Variants in CCNY observed in about 807,000 individuals in gnomAD.
CCNY encodes the protein cyclin Y, also known as cyclin-Y.
In CCNY, 19 loss-of-function variants were observed where a neutral mutation model predicts 42.8. The ratio of observed to expected loss-of-function variants is 0.44; its 90% confidence interval spans 0.31 to 0.65. CCNY has a LOEUF of 0.65. Ranked by LOEUF, CCNY falls within the 30% of genes least tolerant of loss-of-function variation. The probability of loss-of-function intolerance (pLI) is 0.07; values close to 1 mark genes in which losing one functional copy is unlikely to be tolerated. For missense variants in CCNY, 370 were observed against 437.3 expected (o/e 0.85, Z 1.37); for synonymous variants, 165 against 162.7 (o/e 1.01, Z -0.11).
chr10:35,324,922 C>G (rs532729135), intron 3 of CCNY, among the ~76,000 whole-genome samples: 5 of 152,130 alleles, frequency 3.3e-5, no homozygotes, highest in African/African-American at 4.8e-5. Context: ...ATATAGGCAG[C>G]CTTCTGAAGG....
At chr10:35,302,843 C>T (rs913995828) in intron 3 of CCNY, among the ~76,000 whole-genome samples, 1 of 152,094 alleles carries the variant, frequency 6.6e-6, no homozygotes, top group African/African-American at 2.4e-5. Flanking sequence ...AGCCTAAAAG[C>T]TTCTTGTTAG....
chr10:35,367,872 A>G (rs759287243), intron 1 of CCNY, among the ~76,000 whole-genome samples: 1 of 152,232 alleles, frequency 6.6e-6, no homozygotes, highest in African/African-American at 2.4e-5. Flanking sequence ...AATTTTGCCT[A>G]TACTCCTAAT....
At chr10:35,297,496 C>T (rs1356037883) in intron 3 of CCNY, among the ~76,000 whole-genome samples, 2 of 152,054 alleles carry the variant, frequency 1.3e-5, no homozygotes, top group Non-Finnish European at 2.9e-5. Flanking sequence ...CTGGCCAGAG[C>T]AATGAGGCAG....
intron 3 of CCNY, among the ~76,000 whole-genome samples, chr10:35,303,421 C>A (rs1835561525): frequency 6.7e-6 from 1 of 149,598 alleles, no homozygotes; most frequent in Non-Finnish European, 1.5e-5. Context: ...CTCAGGTGAT[C>A]CTCCCGCCTC....
At chr10:35,515,911 T>C (rs1337592102) in intron 3 of CCNY, among the ~76,000 whole-genome samples, 1 of 152,236 alleles carries the variant, frequency 6.6e-6, no homozygotes, top group Admixed American at 6.5e-5. Flanking sequence ...CAAAGAACTA[T>C]CTAAAGGTCA....
chr10:35,330,009 G>A (rs993607848), intron 3 of CCNY, among the ~76,000 whole-genome samples: 1 of 152,168 alleles, frequency 6.6e-6, no homozygotes, highest in African/African-American at 2.4e-5. Context: ...AGACAAGTAC[G>A]TTAATACAAC....
chr10:35,284,624 T>A (rs1347265115), intron 3 of CCNY, among the ~76,000 whole-genome samples: 1 of 152,152 alleles, frequency 6.6e-6, no homozygotes, highest in Non-Finnish European at 1.5e-5. Flanking sequence ...TGATTTCTTC[T>A]CTGATCCTTG....
At chr10:35,296,783 T>C (rs763383308) in intron 3 of CCNY, among the ~76,000 whole-genome samples, 1 of 152,120 alleles carries the variant, frequency 6.6e-6, no homozygotes, top group African/African-American at 2.4e-5. Context: ...AACAGACTAA[T>C]AATGAGTTCT....
At chr10:35,412,561 G>T (rs186447017) in intron 1 of CCNY, among the ~76,000 whole-genome samples, 2 of 151,836 alleles carry the variant, frequency 1.3e-5, no homozygotes, top group African/African-American at 4.8e-5. Context: ...ATTTAATGAA[G>T]AATTTGCAGC....
At chr10:35,502,934 A>C (rs914427321) in intron 3 of CCNY, among the ~76,000 whole-genome samples, 10 of 152,214 alleles carry the variant, frequency 6.6e-5, no homozygotes, top group African/African-American at 2.2e-4. Flanking sequence ...AACTGCATCC[A>C]GGCCATCTTT....
At chr10:35,413,530 G>T (rs571915199) in intron 1 of CCNY, among the ~76,000 whole-genome samples, 1 of 152,344 alleles carries the variant, frequency 6.6e-6, no homozygotes, top group East Asian at 1.9e-4. Flanking sequence ...TCATTAGAAT[G>T]GGTGAAATTG....
chr10:35,344,344 C>T (rs767929533), intron 1 of CCNY, among the ~76,000 whole-genome samples: 44 of 152,220 alleles, frequency 2.9e-4, no homozygotes, highest in African/African-American at 9.6e-4. Context: ...GAGGGGCCTC[C>T]GTCCTGCTGA....
intron 1 of CCNY, among the ~76,000 whole-genome samples, chr10:35,385,118 A>G (rs1476772013): frequency 6.6e-6 from 1 of 152,240 alleles, no homozygotes; most frequent in East Asian, 1.9e-4. Context: ...ATCCAGGTAC[A>G]TAACAGCTAT....
At chr10:35,259,801 T>C (rs1377953227) in intron 3 of CCNY, among the ~76,000 whole-genome samples, 2 of 151,236 alleles carry the variant, frequency 1.3e-5, no homozygotes, top group African/African-American at 4.9e-5. Flanking sequence ...CTTGAGCCAC[T>C]GGACCCAGCC....
intron 3 of CCNY, among the ~76,000 whole-genome samples, chr10:35,322,353 CA>C (rs34956470): frequency 0.38 from 38,916 of 101,530 alleles, 4,899 homozygotes; most frequent in Middle Eastern, 0.47. Flanking sequence ...GACTCTGTCT[CA>C]AAAAAAAAAA....
intron 3 of CCNY, among the ~76,000 whole-genome samples, chr10:35,286,983 C>T (rs931355287): frequency 2.6e-5 from 4 of 152,182 alleles, no homozygotes; most frequent in African/African-American, 9.7e-5. Context: ...TGTCCTTTCT[C>T]TATCAAAAAG....
chr10:35,465,938 A>AGAGAGAGAGAGAGAGAGAGAGGGTGT, intron 1 of CCNY, among the ~76,000 whole-genome samples: 1 of 80,960 alleles, frequency 1.2e-5, no homozygotes, highest in African/African-American at 4.4e-5. Flanking sequence ...AGAGAGAGAG[A>AGAGAGAGAGAGAGAGAGAGAGGGTGT]GTGTGTGTGT....
At position 35,571,804 on chromosome 10, in the gene CCNY, C is replaced by T. The variant is rs928130579; in HGVS notation, c.*2634C>T. ...GGATTACTATTGAGGAACACATTGT[C>T]TTAGTGTAGTTTTTGAATGGAAAGT... On this transcript the variant is annotated 3_prime_UTR_variant, in exon 10 of 10. Coordinates refer to ENST00000374704, the MANE Select transcript of CCNY (RefSeq NM_145012.6). 18 of 152,254 alleles carry T rather than the reference C, an allele frequency of 1.2e-4. No homozygotes were observed. Among genetic ancestry groups the T allele is most frequent in the Non-Finnish European group, 1.8e-4 (12 of 68,018 alleles). 9.4% of individuals were successfully genotyped at this position (152,254 alleles called of 1,614,324 possible).
chr10:35,313,771 G>A (rs906144142), intron 3 of CCNY, among the ~76,000 whole-genome samples: 1 of 152,070 alleles, frequency 6.6e-6, no homozygotes, highest in Admixed American at 6.6e-5. Context: ...CCAGGAGTTT[G>A]AGACCAGCCT....
Sources: gnomAD v4.1 joint callset for allele counts (sites outside exome capture counted in the v4.1 genomes callset) on GRCh38, gnomAD v4.1.1 for gene constraint, MANE v1.5 for transcripts, NCBI Gene and HGNC (gene_info 2026-07-23, HGNC 2026-07-21) for gene names.